Variants in MB21D2 observed in about 807,000 individuals in gnomAD.
The protein encoded by MB21D2 is nucleotidyltransferase MB21D2.
In MB21D2, 9 loss-of-function variants were observed where a neutral mutation model predicts 33.3. That is an observed-to-expected ratio of 0.27 (90% CI 0.16 to 0.47). The LOEUF (loss-of-function observed/expected upper bound fraction) is 0.47, where lower values mean the gene tolerates loss of function less well. Ranked by LOEUF, MB21D2 falls within the 20% of genes least tolerant of loss-of-function variation. MB21D2 has a pLI of 0.99. For missense variants in MB21D2, 540 were observed against 624.6 expected, an observed-to-expected ratio of 0.86 and a Z score of 1.44; for synonymous variants, 241 against 236.3, an observed-to-expected ratio of 1.02 and a Z score of -0.18.
chr3:192,814,843 C>T (rs560709257), intron 1 of MB21D2, among the ~76,000 whole-genome samples: 77 of 145,624 alleles, frequency 5.3e-4, no homozygotes, highest in African/African-American at 1.6e-3. Context: ...CCAGCCTGGG[C>T]GACAGAGCGA....
At chr3:192,827,010 G>T (rs1712187160) in intron 1 of MB21D2, among the ~76,000 whole-genome samples, 1 of 151,722 alleles carries the variant, frequency 6.6e-6, no homozygotes, top group African/African-American at 2.4e-5. Context: ...TCCTGCCTCA[G>T]CCTCCCAAGT....
chr3:192,871,873 C>T (rs905158309), intron 1 of MB21D2, among the ~76,000 whole-genome samples: 34 of 152,090 alleles, frequency 2.2e-4, no homozygotes, highest in African/African-American at 8.2e-4. Context: ...TTGGACTCTC[C>T]CGGGTGGTTC....
At chr3:192,829,636 T>C (rs1909813) in intron 1 of MB21D2, among the ~76,000 whole-genome samples, 10,571 of 152,090 alleles carry the variant, frequency 0.07, 1,236 homozygotes, top group African/African-American at 0.24. Context: ...GGTGTATCTA[T>C]AAATATTGAG....
chr3:192,844,134 G>A (rs761872733), intron 1 of MB21D2, among the ~76,000 whole-genome samples: 75 of 152,102 alleles, frequency 4.9e-4, no homozygotes, highest in South Asian at 8.3e-4. Flanking sequence ...CTGAATCCCC[G>A]GGTGCCGCAG....
At chr3:192,826,891 CCTT>C (rs1453824588) in intron 1 of MB21D2, among the ~76,000 whole-genome samples, 1 of 151,704 alleles carries the variant, frequency 6.6e-6, no homozygotes, top group South Asian at 2.1e-4. Context: ...TTTTCCCTTT[CCTT>C]CTTTTTTTTT....
chr3:192,915,323 G>T (rs1193885244), intron 1 of MB21D2, among the ~76,000 whole-genome samples: 1 of 152,170 alleles, frequency 6.6e-6, no homozygotes, highest in African/African-American at 2.4e-5. Flanking sequence ...AAATGATTTT[G>T]TTCTTTAAGC....
chr3:192,917,458 G>C (rs1714493503), intron 1 of MB21D2, among the ~76,000 whole-genome samples, 172 bp downstream of exon 1: 1 of 152,172 alleles, frequency 6.6e-6, no homozygotes, highest in Non-Finnish European at 1.5e-5. Flanking sequence ...CAGGCAGCTC[G>C]GCTTTCGGCG....
chr3:192,895,302 T>C (rs1235449668), intron 1 of MB21D2, among the ~76,000 whole-genome samples: 2 of 152,218 alleles, frequency 1.3e-5, no homozygotes, highest in Non-Finnish European at 2.9e-5. Context: ...GGGAGTTCCA[T>C]ACTCCCACAC....
At chr3:192,850,068 G>A (rs1229106115) in intron 1 of MB21D2, among the ~76,000 whole-genome samples, 4 of 151,976 alleles carry the variant, frequency 2.6e-5, no homozygotes, top group Non-Finnish European at 5.9e-5. Context: ...ACTGGCGCGT[G>A]CCACCACACC....
intron 1 of MB21D2, among the ~76,000 whole-genome samples, chr3:192,868,917 TG>T (rs1317844640): frequency 6.6e-6 from 1 of 152,196 alleles, no homozygotes; most frequent in Non-Finnish European, 1.5e-5. Context: ...TTGGGGACTA[TG>T]CTACTAACCG....
chr3:192,826,751 A>G (rs1370272713), intron 1 of MB21D2, among the ~76,000 whole-genome samples: 1 of 152,134 alleles, frequency 6.6e-6, no homozygotes, highest in African/African-American at 2.4e-5. Flanking sequence ...AAATAGCACA[A>G]GGTCTCCGGG....
chr3:192,870,933 GGTT>G (rs1713282982), intron 1 of MB21D2, among the ~76,000 whole-genome samples: 2 of 152,064 alleles, frequency 1.3e-5, no homozygotes. Flanking sequence ...GAGGACAGTT[GGTT>G]ATTACCACCC....
chr3:192,804,584 C>A (rs1484253520), intron 1 of MB21D2, among the ~76,000 whole-genome samples: 1 of 152,094 alleles, frequency 6.6e-6, no homozygotes, highest in Non-Finnish European at 1.5e-5. Context: ...GCCTGAATAT[C>A]TCAGTAATAG....
chr3:192,812,744 C>T (rs1019265865), intron 1 of MB21D2, among the ~76,000 whole-genome samples: 1 of 152,138 alleles, frequency 6.6e-6, no homozygotes, highest in African/African-American at 2.4e-5. Flanking sequence ...CTCCAAAGCA[C>T]CAATTTTTAG....
intron 1 of MB21D2, among the ~76,000 whole-genome samples, chr3:192,825,061 T>C (rs1486600182): frequency 2.0e-5 from 3 of 152,192 alleles, no homozygotes; most frequent in Non-Finnish European, 4.4e-5. Flanking sequence ...TACCCAAGAA[T>C]AGCCCCAATA....
At chr3:192,870,699 GAAAAAAA>G (rs57320648) in intron 1 of MB21D2, among the ~76,000 whole-genome samples, 6 of 41,664 alleles carry the variant, frequency 1.4e-4, no homozygotes, top group South Asian at 1.4e-3. Flanking sequence ...CGACTCCGTT[GAAAAAAA>G]AAAAAAAAAA....
chr3:192,907,688 T>C (rs989436734), intron 1 of MB21D2, among the ~76,000 whole-genome samples: 17 of 152,224 alleles, frequency 1.1e-4, no homozygotes, highest in African/African-American at 2.4e-4. Flanking sequence ...CTATAAAGCA[T>C]TGTGCAAAGA....
At chr3:192,908,133 T>C (rs1217521812) in intron 1 of MB21D2, among the ~76,000 whole-genome samples, 1 of 152,104 alleles carries the variant, frequency 6.6e-6, no homozygotes, top group African/African-American at 2.4e-5. Context: ...AAAGTATAAC[T>C]CAATGGATTT....
At position 192,830,241 on chromosome 3, in the gene MB21D2, A is replaced by AGTGTGT. The variant is rs34472117; in HGVS notation, c.212-30597_212-30592dup. Among the ~76,000 whole-genome samples, 995 of 146,460 alleles carry AGTGTGT rather than the reference A, an allele frequency of 6.8e-3. 36 individuals carry two copies. The highest frequency in any genetic ancestry group is 0.061 in the Admixed American group (909 of 14,856). On this transcript the variant is annotated intron_variant, in intron 1 of 1. Transcript: ENST00000392452. ...AATGCTTCAAAGATGAGTGTGTGTG[A>AGTGTGT]GTGTGTGTGTGTGTGTGTGTGTGTG...
Sources: gnomAD v4.1 joint callset for allele counts (sites outside exome capture counted in the v4.1 genomes callset) on GRCh38, gnomAD v4.1.1 for gene constraint, MANE v1.5 for transcripts, NCBI Gene and HGNC (gene_info 2026-07-23, HGNC 2026-07-21) for gene names.